Variants in RTN1 observed in about 807,000 individuals in gnomAD.
RTN1 encodes the protein reticulon-1.
In RTN1, 25 loss-of-function variants were observed where a neutral mutation model predicts 65.5. That is an observed-to-expected ratio of 0.38 (90% CI 0.28 to 0.53). The LOEUF is 0.53. Ranked by LOEUF, RTN1 falls within the 20% of genes least tolerant of loss-of-function variation. The pLI, the probability that RTN1 is intolerant of heterozygous loss-of-function variation, is 0.79. For missense variants in RTN1, 983 were observed against 1,025.4 expected, an observed-to-expected ratio of 0.96 and a Z score of 0.57; for synonymous variants, 471 against 447.6, an observed-to-expected ratio of 1.05 and a Z score of -0.66.
chr14:59,848,380 A>C (rs930250794), intron 1 of RTN1, among the ~76,000 whole-genome samples: 9 of 152,240 alleles, frequency 5.9e-5, no homozygotes, highest in Admixed American at 4.6e-4. Context: ...CATCCAATTA[A>C]TTTTTAAAAT....
chr14:59,697,002 T>A (rs991408683), intron 3 of RTN1, among the ~76,000 whole-genome samples: 12 of 152,186 alleles, frequency 7.9e-5, no homozygotes, highest in Non-Finnish European at 1.2e-4. Flanking sequence ...TACTCCTGAG[T>A]TATTTTTGAT....
At chr14:59,686,533 T>C (rs1370113394) in intron 3 of RTN1, among the ~76,000 whole-genome samples, 1 of 152,220 alleles carries the variant, frequency 6.6e-6, no homozygotes, top group Non-Finnish European at 1.5e-5. Context: ...AGACAGTGCA[T>C]AAAGATAAGC....
At chr14:59,837,393 T>G (rs2139648238) in intron 1 of RTN1, among the ~76,000 whole-genome samples, 1 of 151,768 alleles carries the variant, frequency 6.6e-6, no homozygotes, top group African/African-American at 2.4e-5. Context: ...CAAACTGAGG[T>G]TTTTAAATGT....
chr14:59,626,104 T>G (rs1334207531), intron 3 of RTN1, among the ~76,000 whole-genome samples: 1 of 152,220 alleles, frequency 6.6e-6, no homozygotes, highest in Non-Finnish European at 1.5e-5. Flanking sequence ...TCTGCCTTTA[T>G]GTATATGTGT....
chr14:59,794,364 A>G lies in RTN1; in HGVS notation c.242-47883T>C, dbSNP rs1189447205. Among the ~76,000 whole-genome samples the G allele has an allele frequency of 6.6e-6, 1 of 152,212 alleles. No individual in the cohort carries two copies. The highest frequency in any genetic ancestry group is 2.1e-4 in the South Asian group (1 of 4,834). On this transcript the variant is annotated intron_variant, in intron 1 of 8. Transcript: ENST00000267484. The surrounding 1 kb of genome is among the most constrained non-coding windows in gnomAD (Gnocchi z 5.1). ...ATGGAAGGAATTATAGACAAAAAGCATCACAAACTTGAAAGTATTCTAAGC... is the reference window on the plus strand; with the variant it reads ...ATGGAAGGAATTATAGACAAAAAGCGTCACAAACTTGAAAGTATTCTAAGC...
At chr14:59,799,860 CA>C (rs1236178373) in intron 1 of RTN1, among the ~76,000 whole-genome samples, 5 of 152,122 alleles carry the variant, frequency 3.3e-5, no homozygotes, top group African/African-American at 1.2e-4. Flanking sequence ...TCCAGAGACA[CA>C]AGGCAGAGTT....
At position 59,870,660 on chromosome 14, in the gene RTN1, G is replaced by A. The variant is rs1400106734; in HGVS notation, c.-30C>T. 1 of 1,347,948 alleles carries A rather than the reference G, an allele frequency of 7.4e-7. No individual in the cohort carries two copies. The allele number at this position is 1,347,948 out of a possible 1,614,324, so 83.5% of individuals were successfully genotyped here. A position where few individuals can be genotyped will look rare whatever the true frequency, so the allele number is the denominator to read the frequency against. On this transcript the variant is annotated 5_prime_UTR_variant, in exon 1 of 9. Coordinates refer to ENST00000267484, the MANE Select transcript of RTN1 (RefSeq NM_021136.3). The surrounding 1 kb of genome is among the most constrained non-coding windows in gnomAD (Gnocchi z 5.1). ...GGCGGTCCCCCGGCGCGGCGACGGCGGCTTGGCTGGGCAGAGGCTCGGTGG... is the reference window on the plus strand; with the variant it reads ...GGCGGTCCCCCGGCGCGGCGACGGCAGCTTGGCTGGGCAGAGGCTCGGTGG...
At chr14:59,615,306 G>A (rs1354125358) in intron 3 of RTN1, among the ~76,000 whole-genome samples, 1 of 152,096 alleles carries the variant, frequency 6.6e-6, no homozygotes, top group Non-Finnish European at 1.5e-5. Flanking sequence ...AAAATTAGCT[G>A]GGTATGGTAG....
intron 3 of RTN1, among the ~76,000 whole-genome samples, chr14:59,665,147 A>C (rs1883339603): frequency 6.6e-6 from 1 of 152,134 alleles, no homozygotes; most frequent in South Asian, 2.1e-4. Context: ...TGTCAGGTTC[A>C]CCAAGGTTGA....
At chr14:59,712,177 C>T (rs1293665241) in intron 3 of RTN1, among the ~76,000 whole-genome samples, 1 of 152,122 alleles carries the variant, frequency 6.6e-6, no homozygotes, top group Non-Finnish European at 1.5e-5. Context: ...GAGTAAGGCA[C>T]ACACCTGAGG....
At chr14:59,705,345 C>G (rs893966448) in intron 3 of RTN1, among the ~76,000 whole-genome samples, 1 of 152,184 alleles carries the variant, frequency 6.6e-6, no homozygotes, top group Non-Finnish European at 1.5e-5. Context: ...CTAAAGTTAT[C>G]CAGTAACTCC....
intron 1 of RTN1, among the ~76,000 whole-genome samples, chr14:59,812,464 G>A (rs1442284149): frequency 6.6e-6 from 1 of 152,176 alleles, no homozygotes; most frequent in East Asian, 1.9e-4. Flanking sequence ...CAGCTTGTAG[G>A]TTATTATGTA....
At position 59,816,278 on chromosome 14, in the gene RTN1, T is replaced by A. The variant is rs937138730; in HGVS notation, c.241+54112A>T. ...TACTCAGGTGATTAATGAATGCTGA[T>A]ACAGACCTTTAGTAAAGAACAAAAT... On this transcript the variant is annotated intron_variant, in intron 1 of 8. Transcript: ENST00000267484. This position sits in a 1 kb window ranked among gnomAD's most constrained non-coding sequence, Gnocchi z 4.3. 6.6e-6 allele frequency among the ~76,000 whole-genome samples: 1 copy of A among 152,132 alleles called. No homozygotes were observed. The highest frequency in any genetic ancestry group is 6.5e-5 in the Admixed American group (1 of 15,272).
In RTN1 at chr14:59,711,100, T is replaced by A. The variant is rs1304999326; in HGVS notation, c.1765+15819A>T. ...CTGCCTGTCTCTAGACCAGCCTTAA[T>A]AACAAACCTTGTTTTTAATTGGGTT... On this transcript the variant is annotated intron_variant, in intron 3 of 8. Transcript: ENST00000267484. Among the ~76,000 whole-genome samples, 6 of 152,336 alleles carry A rather than the reference T, an allele frequency of 3.9e-5. No individual in the cohort carries two copies. In the East Asian group the frequency reaches 1.2e-3, roughly 29 times the overall value.
chr14:59,684,682 G>A (rs1883810248), intron 3 of RTN1, among the ~76,000 whole-genome samples: 2 of 151,886 alleles, frequency 1.3e-5, no homozygotes, highest in Non-Finnish European at 1.5e-5. Flanking sequence ...ATTTAGTTTT[G>A]TTAGGATTAC....
chr14:59,840,382 T>C (rs1170796744), intron 1 of RTN1, among the ~76,000 whole-genome samples: 1 of 152,206 alleles, frequency 6.6e-6, no homozygotes, highest in Non-Finnish European at 1.5e-5. Context: ...TCAATTTGTA[T>C]AGTGGCTAAG....
intron 3 of RTN1, among the ~76,000 whole-genome samples, chr14:59,651,700 T>A (rs1883023341): frequency 6.6e-6 from 1 of 151,998 alleles, no homozygotes. Context: ...ATTGCACCAC[T>A]GTACTCCAGC....
intron 2 of RTN1, among the ~76,000 whole-genome samples, chr14:59,732,307 T>C (rs543110786): frequency 1.3e-5 from 2 of 152,166 alleles, no homozygotes; most frequent in African/African-American, 4.8e-5. Context: ...GAAGTAGGTA[T>C]ATGGAGCGGC....
At chr14:59,615,041 G>A (rs1253875853) in intron 3 of RTN1, among the ~76,000 whole-genome samples, 2 of 152,208 alleles carry the variant, frequency 1.3e-5, no homozygotes, top group Admixed American at 1.3e-4. Context: ...AAGAGTAACA[G>A]AACAAAACTG....
Sources: gnomAD v4.1 joint callset for allele counts (sites outside exome capture counted in the v4.1 genomes callset) on GRCh38, gnomAD v4.1.1 for gene constraint, Gnocchi (gnomAD v3.1) non-coding constraint, MANE v1.5 for transcripts, NCBI Gene and HGNC (gene_info 2026-07-23, HGNC 2026-07-21) for gene names.